Variants in SERGEF observed in about 807,000 individuals in gnomAD.
SERGEF encodes secretion regulating guanine nucleotide exchange factor.
In SERGEF, 51 loss-of-function variants were observed where a neutral mutation model predicts 50.0. The ratio of observed to expected loss-of-function variants is 1.02; its 90% CI spans 0.81 to 1.29. SERGEF has a LOEUF of 1.29. SERGEF is among the 50% of genes most tolerant of loss of function. The pLI, the probability that SERGEF is intolerant of heterozygous loss-of-function variation, is 0.00. For missense variants in SERGEF, 521 were observed against 557.0 expected, an observed-to-expected ratio of 0.94 and a Z score of 0.65; for synonymous variants, 205 against 212.4, an observed-to-expected ratio of 0.97 and a Z score of 0.30.
chr11:17,955,412 C>A (rs1363031125), intron 9 of SERGEF, among the ~76,000 whole-genome samples: 3 of 152,118 alleles, frequency 2.0e-5, no homozygotes, highest in Non-Finnish European at 2.9e-5. Context: ...CAGGTGTCAA[C>A]CAATGTTTAT....
At chr11:17,837,726 T>A (rs1044063972) in intron 10 of SERGEF, among the ~76,000 whole-genome samples, 1 of 150,450 alleles carries the variant, frequency 6.6e-6, no homozygotes, top group African/African-American at 2.5e-5. Context: ...TGTGGCACTG[T>A]CTTGGCTCAC....
intron 9 of SERGEF, among the ~76,000 whole-genome samples, chr11:17,953,586 GAGA>G (rs746809669): frequency 4.6e-5 from 7 of 152,212 alleles, no homozygotes; most frequent in Non-Finnish European, 1.0e-4. Flanking sequence ...TGGGGAAGAA[GAGA>G]AGAAGCAGTG....
chr11:17,953,281 T>C (rs1590215696), intron 9 of SERGEF, among the ~76,000 whole-genome samples: 1 of 152,252 alleles, frequency 6.6e-6, no homozygotes, highest in Non-Finnish European at 1.5e-5. Flanking sequence ...CACTCTTCTC[T>C]GCTTCCCCTA....
At chr11:17,967,673 G>A (rs1475246939) in intron 8 of SERGEF, among the ~76,000 whole-genome samples, 1 of 152,218 alleles carries the variant, frequency 6.6e-6, no homozygotes, top group Non-Finnish European at 1.5e-5. Context: ...CTTCCTCCAG[G>A]CTAGGGAAGA....
chr11:17,883,392 T>C (rs1358573530), intron 9 of SERGEF, among the ~76,000 whole-genome samples: 4 of 152,230 alleles, frequency 2.6e-5, no homozygotes, highest in Non-Finnish European at 4.4e-5. Context: ...AGCAGTACAG[T>C]TGTACCTGTT....
intron 9 of SERGEF, among the ~76,000 whole-genome samples, chr11:17,914,233 A>T (rs973922819): frequency 2.0e-5 from 3 of 152,258 alleles, no homozygotes; most frequent in African/African-American, 7.2e-5. Flanking sequence ...AGCCAGCTCA[A>T]ATCCCACCTC....
chr11:17,888,783 G>C lies in SERGEF; in HGVS notation c.1012-10539C>G, dbSNP rs1190331534. Among the ~76,000 whole-genome samples the C allele has an allele frequency of 6.6e-6, 1 of 152,148 alleles. No homozygotes were observed. The highest frequency in any genetic ancestry group is 1.5e-5 in the Non-Finnish European group (1 of 68,032). On this transcript the variant is annotated intron_variant, in intron 9 of 10. Coordinates refer to ENST00000265965, the MANE Select transcript of SERGEF (RefSeq NM_012139.4). The surrounding 1 kb of genome is among the most constrained non-coding windows in gnomAD (Gnocchi z 4.1). ...TGGCTTTTAAATACCATTCAACTAA[G>C]AGGGATCAGAGCTCCTCGGAGAAAA...
chr11:17,850,183 T>G (rs927502117), intron 10 of SERGEF, among the ~76,000 whole-genome samples: 3 of 152,144 alleles, frequency 2.0e-5, no homozygotes, highest in Non-Finnish European at 2.9e-5. Context: ...ATAAATCCAT[T>G]CATAAGGGTT....
chr11:17,956,006 C>T (rs1852862548), intron 9 of SERGEF, among the ~76,000 whole-genome samples: 1 of 152,188 alleles, frequency 6.6e-6, no homozygotes, highest in South Asian at 2.1e-4. Flanking sequence ...CTGACATGCG[C>T]TTGGTGGGAT....
chr11:17,815,646 G>A (rs981089528), intron 10 of SERGEF, among the ~76,000 whole-genome samples: 6 of 150,876 alleles, frequency 4.0e-5, no homozygotes, highest in East Asian at 2.0e-4. Flanking sequence ...AAAACCGGCC[G>A]GGCTTGGTAG....
chr11:17,844,864 A>G (rs1850574514), intron 10 of SERGEF, among the ~76,000 whole-genome samples: 1 of 152,100 alleles, frequency 6.6e-6, no homozygotes, highest in African/African-American at 2.4e-5. Context: ...GAATTGGGCC[A>G]CACAAAAAGT....
chr11:17,866,850 C>T (rs1277577966), intron 10 of SERGEF: 2 of 152,190 alleles, frequency 1.3e-5, no homozygotes, highest in Non-Finnish European at 2.9e-5. Flanking sequence ...AAGCAAGTCA[C>T]ATCTTACACT....
chr11:17,912,702 C>T (rs553423089), intron 9 of SERGEF, among the ~76,000 whole-genome samples: 5 of 152,112 alleles, frequency 3.3e-5, no homozygotes, highest in Admixed American at 1.3e-4. Flanking sequence ...AAAGGACTTG[C>T]GCAGAATCAC....
intron 6 of SERGEF, 49 bp from the exon 7 acceptor site, chr11:17,993,042 C>G: frequency 1.9e-6 from 3 of 1,541,838 alleles, no homozygotes; most frequent in South Asian, 2.3e-5. Context: ...ACAGAACAAA[C>G]TGGGCAGAGA....
intron 10 of SERGEF, among the ~76,000 whole-genome samples, chr11:17,814,798 CCTT>C (rs1849934666): frequency 6.6e-6 from 1 of 152,178 alleles, no homozygotes; most frequent in African/African-American, 2.4e-5. Context: ...TCTGAGTTCT[CCTT>C]CTCCTTGGGG....
chr11:18,005,682 T>C (rs1475020457), intron 3 of SERGEF, among the ~76,000 whole-genome samples: 1 of 152,144 alleles, frequency 6.6e-6, no homozygotes, highest in Non-Finnish European at 1.5e-5. Context: ...AGAGCAAAGC[T>C]GAACAGAGAG....
At chr11:18,010,998 C>T (rs1565231287) in intron 1 of SERGEF, among the ~76,000 whole-genome samples, 2 of 152,092 alleles carry the variant, frequency 1.3e-5, no homozygotes, top group Non-Finnish European at 2.9e-5. Flanking sequence ...ATTACGGTAC[C>T]AATTTTTGTA....
At chr11:17,977,760 G>A (rs1399674443) in intron 8 of SERGEF, among the ~76,000 whole-genome samples, 2 of 152,152 alleles carry the variant, frequency 1.3e-5, no homozygotes, top group Non-Finnish European at 2.9e-5. Context: ...AGAAACCCCA[G>A]AGAGCTCCTT....
intron 9 of SERGEF, among the ~76,000 whole-genome samples, chr11:17,927,600 C>G (rs1590202293): frequency 6.6e-6 from 1 of 152,194 alleles, no homozygotes; most frequent in Non-Finnish European, 1.5e-5. Flanking sequence ...CTTTGGATTT[C>G]TGTGTCCTCC....
Sources: gnomAD v4.1 joint callset for allele counts (sites outside exome capture counted in the v4.1 genomes callset) on GRCh38, gnomAD v4.1.1 for gene constraint, Gnocchi (gnomAD v3.1) non-coding constraint, MANE v1.5 for transcripts, NCBI Gene and HGNC (gene_info 2026-07-23, HGNC 2026-07-21) for gene names.